The following GRM8 variants were observed in gnomAD, a reference collection of about 807,000 sequenced individuals.
The protein encoded by GRM8 is glutamate metabotropic receptor 8, also known as metabotropic glutamate receptor 8.
In GRM8, 47 loss-of-function variants were observed where a neutral mutation model predicts 87.2. That is an observed-to-expected ratio of 0.54 (90% CI 0.43 to 0.69). The LOEUF is 0.69. Ranked by LOEUF, GRM8 falls within the 30% of genes least tolerant of loss-of-function variation. The pLI is 0.00. For missense variants in GRM8, 1,019 were observed against 1,139.2 expected, an observed-to-expected ratio of 0.89 and a Z score of 1.52; for synonymous variants, 396 against 404.5, an observed-to-expected ratio of 0.98 and a Z score of 0.25.
At chr7:126,810,374 G>A (rs1327912593) in intron 6 of GRM8, among the ~76,000 whole-genome samples, 1 of 152,072 alleles carries the variant, frequency 6.6e-6, no homozygotes, top group Non-Finnish European at 1.5e-5. Context: ...ACAGGTTGAG[G>A]TTTAAACTCA....
chr7:126,707,139 A>G (rs1810609485), intron 7 of GRM8, among the ~76,000 whole-genome samples: 1 of 151,048 alleles, frequency 6.6e-6, no homozygotes, highest in African/African-American at 2.4e-5. Context: ...CCCTATCTCT[A>G]TTTTTTTTTA....
intron 1 of GRM8, among the ~76,000 whole-genome samples, chr7:127,245,657 A>G (rs966482370): frequency 6.9e-6 from 1 of 145,020 alleles, no homozygotes; most frequent in Non-Finnish European, 1.6e-5. Flanking sequence ...TTTAATTTTT[A>G]AAAAAAGATT....
At chr7:127,013,037 G>C (rs1180396278) in intron 3 of GRM8, among the ~76,000 whole-genome samples, 1 of 152,082 alleles carries the variant, frequency 6.6e-6, no homozygotes, top group African/African-American at 2.4e-5. Context: ...CCAGCTCTGG[G>C]CCTCTTATTT....
intron 3 of GRM8, among the ~76,000 whole-genome samples, chr7:127,054,066 T>G (rs1240572340): frequency 6.6e-6 from 1 of 152,186 alleles, no homozygotes; most frequent in Non-Finnish European, 1.5e-5. Flanking sequence ...CCCATCTCAG[T>G]GATAATATTA....
At chr7:126,631,572 G>A (rs893782760) in intron 7 of GRM8, among the ~76,000 whole-genome samples, 2 of 151,560 alleles carry the variant, frequency 1.3e-5, no homozygotes, top group Middle Eastern at 3.2e-3. Flanking sequence ...AACTCGCATA[G>A]GCAAGACAAT....
rs191248822 is a variant in GRM8 at position 126,648,365 on chromosome 7, A to T, written c.1358-38867T>A. ...TAAAAATTTTCTGATTTTCATAAGAAATGACAATTGTTCTATTTTATCTAT... is the reference window on the plus strand; with the variant it reads ...TAAAAATTTTCTGATTTTCATAAGATATGACAATTGTTCTATTTTATCTAT... On this transcript the variant is annotated intron_variant, in intron 7 of 10. Coordinates refer to ENST00000339582, the MANE Select transcript of GRM8 (RefSeq NM_000845.3). Among the ~76,000 whole-genome samples the T allele has an allele frequency of 1.4e-3, 207 of 152,318 alleles. 1 individual carries two copies. Among genetic ancestry groups the T allele is most frequent in the African/African-American group, 4.8e-3 (200 of 41,578 alleles).
chr7:127,215,314 C>G (rs1405576457), intron 2 of GRM8: 1 of 152,230 alleles, frequency 6.6e-6, no homozygotes. Flanking sequence ...TTTCCCCACC[C>G]CCAGCCAAGG....
At chr7:127,046,132 T>A (rs1483973930) in intron 3 of GRM8, among the ~76,000 whole-genome samples, 2 of 152,184 alleles carry the variant, frequency 1.3e-5, no homozygotes, top group African/African-American at 4.8e-5. Context: ...ATGAAAAGCA[T>A]TTTTTCAGGT....
At chr7:127,055,421 A>G (rs1819883828) in intron 3 of GRM8, among the ~76,000 whole-genome samples, 1 of 152,176 alleles carries the variant, frequency 6.6e-6, no homozygotes, top group African/African-American at 2.4e-5. Context: ...GAGTTCTCCC[A>G]TGTTGGGTAG....
chr7:126,603,603 G>C (rs1233654119), intron 8 of GRM8, among the ~76,000 whole-genome samples: 1 of 152,142 alleles, frequency 6.6e-6, no homozygotes, highest in African/African-American at 2.4e-5. Context: ...CAGACAAATA[G>C]AGTGGCATTT....
chr7:126,980,572 T>G (rs1024704815), intron 3 of GRM8, among the ~76,000 whole-genome samples: 2 of 152,200 alleles, frequency 1.3e-5, no homozygotes, highest in African/African-American at 4.8e-5. Flanking sequence ...CTTGAAAGGT[T>G]CTCCAAACTT....
chr7:126,753,384 A>G (rs1054988911), intron 7 of GRM8, among the ~76,000 whole-genome samples: 6 of 123,440 alleles, frequency 4.9e-5, no homozygotes, highest in Admixed American at 4.0e-4. Context: ...ACGCACACAC[A>G]GGCATATATA....
At chr7:127,226,091 T>C (rs2116762947) in intron 2 of GRM8, among the ~76,000 whole-genome samples, 1 of 152,338 alleles carries the variant, frequency 6.6e-6, no homozygotes, top group Non-Finnish European at 1.5e-5. Flanking sequence ...TAATCAGTAG[T>C]GGCACTGGTA....
At chr7:126,733,707 G>A (rs1237500017) in intron 7 of GRM8, among the ~76,000 whole-genome samples, 1 of 151,962 alleles carries the variant, frequency 6.6e-6, no homozygotes, top group East Asian at 1.9e-4. Flanking sequence ...CAAGGCATTT[G>A]ACAAAATTTA....
At chr7:126,547,057 G>C (rs1267425085) in intron 8 of GRM8, among the ~76,000 whole-genome samples, 1 of 152,094 alleles carries the variant, frequency 6.6e-6, no homozygotes, top group Non-Finnish European at 1.5e-5. Flanking sequence ...AATTAACAAG[G>C]GATCTGAAGA....
intron 7 of GRM8, among the ~76,000 whole-genome samples, chr7:126,731,078 T>C (rs910544429): frequency 6.6e-6 from 1 of 152,154 alleles, no homozygotes; most frequent in Admixed American, 6.6e-5. Flanking sequence ...ATGAAGACTT[T>C]AGATGAATTT....
At chr7:127,077,996 C>T (rs1822472347) in intron 3 of GRM8, among the ~76,000 whole-genome samples, 1 of 152,210 alleles carries the variant, frequency 6.6e-6, no homozygotes, top group African/African-American at 2.4e-5. Context: ...ATGCACAGGA[C>T]AGGTCCTACA....
At chr7:126,556,337 T>TAAAAAAA (rs3038820) in intron 8 of GRM8, among the ~76,000 whole-genome samples, 1 of 111,318 alleles carries the variant, frequency 9.0e-6, no homozygotes, top group African/African-American at 3.4e-5. Flanking sequence ...TTCTCCTCTT[T>TAAAAAAA]AAAAAAAAAA....
chr7:126,839,955 G>A (rs974306251), intron 6 of GRM8, among the ~76,000 whole-genome samples: 4 of 152,124 alleles, frequency 2.6e-5, no homozygotes, highest in Non-Finnish European at 5.9e-5. Flanking sequence ...CCAATATGGA[G>A]CTTTCTAGAG....
Sources: gnomAD v4.1 joint callset for allele counts (sites outside exome capture counted in the v4.1 genomes callset) on GRCh38, gnomAD v4.1.1 for gene constraint, MANE v1.5 for transcripts, NCBI Gene and HGNC (gene_info 2026-07-23, HGNC 2026-07-21) for gene names.